Variants in CCDC12 observed in about 807,000 individuals in gnomAD.
CCDC12 encodes the protein coiled-coil domain containing 12, also known as coiled-coil domain-containing protein 12.
A neutral mutation model predicts 25.7 loss-of-function variants in CCDC12; 28 were observed. The observed-to-expected ratio is 1.09, with a 90% CI of 0.81 to 1.50. The LOEUF (loss-of-function observed/expected upper bound fraction) is 1.50. Ranked by LOEUF, CCDC12 falls within the 40% of genes most tolerant of loss-of-function variation. The probability of loss-of-function intolerance (pLI) is 0.00; values close to 1 mark genes in which losing one functional copy is unlikely to be tolerated. For missense variants in CCDC12, 198 were observed against 210.0 expected (o/e 0.94, Z 0.35); for synonymous variants, 75 against 87.7 (o/e 0.86, Z 0.81).
In CCDC12 at chr3:46,951,798, A is replaced by AAAAAAAAAAAAAAAAAAAAAAAT; in HGVS notation, c.97-10734_97-10733insATTTTTTTTTTTTTTTTTTTTTT. 2.4e-4 allele frequency among the ~76,000 whole-genome samples: 2 copies of AAAAAAAAAAAAAAAAAAAAAAAT among 8,476 alleles called. 1 individual carries two copies. Among genetic ancestry groups the AAAAAAAAAAAAAAAAAAAAAAAT allele is most frequent in the Non-Finnish European group, 5.6e-4 (2 of 3,568 alleles). The allele number at this position is 8,476 out of a possible 152,430, so 5.6% of individuals were successfully genotyped here. A position where few individuals can be genotyped will look rare whatever the true frequency, so the allele number is the denominator to read the frequency against. ...CCGTCTCAAAAAAAAAAAAAAAAAA[A>AAAAAAAAAAAAAAAAAAAAAAAT]ATATATATATATATATATATATATA... is the stretch of plus-strand genomic sequence containing the variant. On this transcript the variant is annotated intron_variant, in intron 1 of 6. Coordinates refer to ENST00000683445, the MANE Select transcript of CCDC12 (RefSeq NM_001277074.2).
chr3:46,954,030 T>C (rs1408830996), intron 1 of CCDC12, among the ~76,000 whole-genome samples: 1 of 152,152 alleles, frequency 6.6e-6, no homozygotes, highest in Admixed American at 6.5e-5. Flanking sequence ...ATAAGGTCCA[T>C]GCAGATTGGA....
intron 1 of CCDC12, among the ~76,000 whole-genome samples, chr3:46,949,329 G>C (rs1219324061): frequency 6.6e-6 from 1 of 152,130 alleles, no homozygotes; most frequent in Non-Finnish European, 1.5e-5. Context: ...TATGCAAAAG[G>C]CCCCTCCCAC....
intron 1 of CCDC12, among the ~76,000 whole-genome samples, chr3:46,952,503 C>G (rs529026990): frequency 6.6e-6 from 1 of 152,210 alleles, no homozygotes; most frequent in African/African-American, 2.4e-5. Context: ...TCTTTTCCAA[C>G]AACTATCTGC....
chr3:46,953,676 T>C (rs1373455274), intron 1 of CCDC12, among the ~76,000 whole-genome samples: 1 of 151,596 alleles, frequency 6.6e-6, no homozygotes, highest in Non-Finnish European at 1.5e-5. Flanking sequence ...AGTCCAGCTT[T>C]GCTGGTGCAG....
At chr3:46,975,190 AT>A (rs755245357) in intron 1 of CCDC12, among the ~76,000 whole-genome samples, 2,267 of 145,656 alleles carry the variant, frequency 0.016, 48 homozygotes, top group African/African-American at 0.049. Flanking sequence ...TTTTTTCCCA[AT>A]TTTTTTTTTT....
intron 1 of CCDC12, among the ~76,000 whole-genome samples, chr3:46,968,723 G>C (rs905856431): frequency 6.6e-6 from 1 of 152,214 alleles, no homozygotes; most frequent in Non-Finnish European, 1.5e-5. Flanking sequence ...TGTGTGATGG[G>C]TGGAGGCTCC....
intron 3 of CCDC12, chr3:46,924,049 G>A (rs1030895489): frequency 1.1e-5 from 2 of 181,696 alleles, no homozygotes; most frequent in Non-Finnish European, 2.3e-5. Flanking sequence ...TCCCGGCCTA[G>A]CCAGAGCCAC....
intron 1 of CCDC12, among the ~76,000 whole-genome samples, chr3:46,959,148 T>C (rs939649413): frequency 6.6e-6 from 1 of 152,134 alleles, no homozygotes; most frequent in African/African-American, 2.4e-5. Context: ...CATTTTTTTG[T>C]GGGGGGAAAT....
chr3:46,968,454 G>A (rs1468346646), intron 1 of CCDC12, among the ~76,000 whole-genome samples: 1 of 152,154 alleles, frequency 6.6e-6, no homozygotes, highest in African/African-American at 2.4e-5. Context: ...AGGCATCCAC[G>A]TTTATAAAAG....
At chr3:46,960,422 G>T (rs2034428535) in intron 1 of CCDC12, among the ~76,000 whole-genome samples, 1 of 152,146 alleles carries the variant, frequency 6.6e-6, no homozygotes, top group African/African-American at 2.4e-5. Context: ...TTTTCTTCAG[G>T]ATTCAAATTA....
At chr3:46,923,202 C>T in intron 5 of CCDC12, 127 bp downstream of exon 5, 3 of 973,654 alleles carry the variant, frequency 3.1e-6, no homozygotes, top group East Asian at 6.3e-5. Context: ...GTAGCTATCT[C>T]GTGTAACTCT....
chr3:46,972,630 T>TA (rs2034837995), intron 1 of CCDC12, among the ~76,000 whole-genome samples: 1 of 151,516 alleles, frequency 6.6e-6, no homozygotes, highest in East Asian at 1.9e-4. Context: ...AGGTTATAAT[T>TA]AAAAAAACGA....
rs1575569238 is a variant in CCDC12 at position 46,976,371 on chromosome 3, G to A, written c.96+266C>T. 5.1e-6 allele frequency: 7 copies of A among 1,377,470 alleles called. No individual in the cohort carries two copies. The East Asian group carries it at 2.0e-4, about 39-fold the overall frequency. 85.3% of individuals were successfully genotyped at this position (1,377,470 alleles called of 1,614,324 possible). ...TACCTACACGAGCAACACCCGGGAA[G>A]CAGGAGTCAGATGGACTGCGGGTCG... On this transcript the variant is annotated intron_variant, in intron 1 of 6. Coordinates refer to ENST00000683445, the MANE Select transcript of CCDC12 (RefSeq NM_001277074.2).
intron 1 of CCDC12, among the ~76,000 whole-genome samples, chr3:46,942,164 C>T (rs1021380621): frequency 6.6e-6 from 1 of 152,214 alleles, no homozygotes; most frequent in Non-Finnish European, 1.5e-5. Flanking sequence ...GGACTTTATC[C>T]TTTATTATGT....
intron 2 of CCDC12, among the ~76,000 whole-genome samples, chr3:46,927,893 A>AC (rs2107109461): frequency 6.6e-6 from 1 of 151,984 alleles, no homozygotes; most frequent in South Asian, 2.1e-4. Context: ...TTAACTGCCC[A>AC]CCCCCGGAAT....
At chr3:46,960,221 A>G (rs1003118410) in intron 1 of CCDC12, among the ~76,000 whole-genome samples, 1 of 152,054 alleles carries the variant, frequency 6.6e-6, no homozygotes, top group African/African-American at 2.4e-5. Context: ...TTTCCCACCC[A>G]GGCTCTGTGC....
intron 2 of CCDC12, among the ~76,000 whole-genome samples, chr3:46,935,384 A>AC (rs2033401916): frequency 6.6e-6 from 1 of 152,112 alleles, no homozygotes; most frequent in South Asian, 2.1e-4. Context: ...CCCCAACCCA[A>AC]CAGTCCATCC....
At chr3:46,925,570 C>CA in intron 2 of CCDC12, 35 bp from the exon 3 acceptor site, 1 of 1,465,924 alleles carries the variant, frequency 6.8e-7, no homozygotes, top group Non-Finnish European at 9.3e-7. Context: ...GAGATGAAGT[C>CA]AGTGTGTGAC....
intron 2 of CCDC12, among the ~76,000 whole-genome samples, chr3:46,929,900 G>A (rs1280692766): frequency 6.6e-6 from 1 of 151,720 alleles, no homozygotes; most frequent in Non-Finnish European, 1.5e-5. Context: ...ATGTGGTGGC[G>A]GGTGCCTGTA....
Sources: allele counts gnomAD v4.1 joint callset (sites outside exome capture counted in the v4.1 genomes callset), GRCh38; gene constraint gnomAD v4.1.1; transcripts MANE v1.5; gene names NCBI Gene and HGNC (gene_info 2026-07-23, HGNC 2026-07-21).